SCAF8: variants seen among roughly 807,000 people sequenced by gnomAD.
SCAF8 encodes the protein SR-related and CTD-associated factor 8.
In SCAF8, 23 loss-of-function variants were observed where a neutral mutation model predicts 140.5. The observed-to-expected ratio is 0.16, with a 90% CI of 0.12 to 0.23. SCAF8 has a LOEUF of 0.23. Ranked by LOEUF, SCAF8 falls within the 10% of genes least tolerant of loss-of-function variation. The pLI, the probability that SCAF8 is intolerant of heterozygous loss-of-function variation, is 1.00. For missense variants in SCAF8, 1,397 were observed against 1,555.7 expected (o/e 0.90, Z 1.72); for synonymous variants, 575 against 528.9 (o/e 1.09, Z -1.20).
chr6:154,780,145 CTATA>C lies in SCAF8; in HGVS notation c.159+2101_159+2104del, dbSNP rs1267980223. ...GCCTTGTGTTTCCCTTTTATATACT[CTATA>C]GTCATACTCGACTCACCTCCTCCTC... On this transcript the variant is annotated intron_variant, in intron 3 of 19. Transcript: ENST00000367178. 3.3e-5 allele frequency among the ~76,000 whole-genome samples: 5 copies of C among 152,266 alleles called. No individual in the cohort carries two copies. The East Asian group carries it at 9.6e-4, about 29-fold the overall frequency.
At chr6:154,766,246 T>C (rs1227518463) in intron 1 of SCAF8, among the ~76,000 whole-genome samples, 5 of 151,868 alleles carry the variant, frequency 3.3e-5, no homozygotes, top group Non-Finnish European at 7.4e-5. Context: ...GCAAAAGATG[T>C]GGAGGAGAGG....
intron 7 of SCAF8, among the ~76,000 whole-genome samples, chr6:154,802,629 A>AT (rs60323193): frequency 5.3e-4 from 80 of 149,806 alleles, no homozygotes; most frequent in African/African-American, 1.8e-3. Context: ...AAAAAAAAAA[A>AT]TTTTTTTTGA....
rs1463601090 is a variant in SCAF8, at chr6:154,733,756, A to G, written c.-145A>G. The G allele has an allele frequency of 7.4e-7, 1 of 1,348,270 alleles. No individual in the cohort carries two copies. Among genetic ancestry groups the G allele is most frequent in the East Asian group, 3.1e-5 (1 of 32,042 alleles). 83.5% of individuals were successfully genotyped at this position (1,348,270 alleles called of 1,614,324 possible). A position where few individuals can be genotyped will look rare whatever the true frequency, so the allele number is the denominator to read the frequency against. ...CTTCCCCGCCAGCGCGTGCCCTTCC[A>G]CTCCGCCCCGAGGTCGCAGCGGCCC... On this transcript the variant is annotated 5_prime_UTR_variant, in exon 1 of 20. Transcript: ENST00000367178.
chr6:154,771,811 C>T lies in SCAF8; in HGVS notation c.31-2178C>T, dbSNP rs560676594. On this transcript the variant is annotated intron_variant, in intron 1 of 19. Coordinates refer to ENST00000367178, the MANE Select transcript of SCAF8 (RefSeq NM_014892.5). ...CCTGTGTGATGGGAATTTTTTGTAC[C>T]GCAAACCTCAGCATCACAAAATACA... is the stretch of plus-strand genomic sequence containing the variant. 1.1e-4 allele frequency among the ~76,000 whole-genome samples: 16 copies of T among 152,088 alleles called. No homozygotes were observed. The South Asian group carries it at 2.1e-3, about 20-fold the overall frequency.
intron 18 of SCAF8, 118 bp downstream of exon 18, chr6:154,827,358 C>G (rs1202585251): frequency 5.9e-6 from 4 of 674,482 alleles, no homozygotes; most frequent in Non-Finnish European, 7.4e-6. Flanking sequence ...AAGACAAATG[C>G]ATGTTAGATA....
At chr6:154,777,517 G>C (rs190072202) in intron 2 of SCAF8, among the ~76,000 whole-genome samples, 35 of 152,286 alleles carry the variant, frequency 2.3e-4, no homozygotes, top group Admixed American at 5.9e-4. Flanking sequence ...AGGAGAAGCA[G>C]AAGGAGATAA....
chr6:154,745,538 T>A (rs766866559), intron 1 of SCAF8, among the ~76,000 whole-genome samples: 1 of 152,126 alleles, frequency 6.6e-6, no homozygotes, highest in Non-Finnish European at 1.5e-5. Context: ...CATGCCTGCC[T>A]GATTTTTTAG....
Position 154,774,337 on chromosome 6 carries a change from C to T in SCAF8, c.114+265C>T, listed in dbSNP as rs950024742. 3.3e-5 allele frequency among the ~76,000 whole-genome samples: 5 copies of T among 152,194 alleles called. No individual in the cohort carries two copies. The East Asian group carries it at 7.7e-4, about 23-fold the overall frequency. On this transcript the variant is annotated intron_variant, in intron 2 of 19. Transcript: ENST00000367178. The stretch of plus-strand genomic sequence containing the variant: ...ACTGCAGTGCCACGATCATAGCTCA[C>T]TGTGGCCTCGACCTCCTGGGCTCAA...
At chr6:154,763,752 A>G (rs567821194) in intron 1 of SCAF8, among the ~76,000 whole-genome samples, 2 of 152,260 alleles carry the variant, frequency 1.3e-5, no homozygotes, top group East Asian at 3.9e-4. Context: ...CAAAAAAGAA[A>G]AAAAAAACCC....
At chr6:154,804,974 T>C (rs868797136) in intron 8 of SCAF8, among the ~76,000 whole-genome samples, 2 of 152,200 alleles carry the variant, frequency 1.3e-5, no homozygotes, top group Admixed American at 6.5e-5. Context: ...ACATACTGAT[T>C]GATAGACTGT....
chr6:154,768,967 G>A (rs1297473915), intron 1 of SCAF8, among the ~76,000 whole-genome samples: 1 of 151,076 alleles, frequency 6.6e-6, no homozygotes, highest in Admixed American at 6.6e-5. Flanking sequence ...GGAGGCTGAG[G>A]CACAAGCATC....
At chr6:154,739,682 T>C (rs1778518684) in intron 1 of SCAF8, among the ~76,000 whole-genome samples, 1 of 152,242 alleles carries the variant, frequency 6.6e-6, no homozygotes, top group Non-Finnish European at 1.5e-5. Flanking sequence ...TAGATTAATC[T>C]TTAAACTGTT....
rs908745013 is a variant in SCAF8 at position 154,815,879 on chromosome 6, T to C, written c.1521+63T>C. The C allele has an allele frequency of 1.1e-5, 10 of 901,330 alleles. No individual in the cohort carries two copies. The African/African-American group carries it at 1.7e-4, about 15-fold the overall frequency. The allele number at this position is 901,330 out of a possible 1,614,324, so 55.8% of individuals were successfully genotyped here. A position where few individuals can be genotyped will look rare whatever the true frequency, so the allele number is the denominator to read the frequency against. On this transcript the variant is annotated intron_variant, in intron 13 of 19. Coordinates refer to ENST00000367178, the MANE Select transcript of SCAF8 (RefSeq NM_014892.5). ...AGGAGGTTTTTATTAATACAAAGAA[T>C]CACTTCTGTTCCTAATTAGCCCAGT...
chr6:154,792,713 A>G (rs1777459113), intron 4 of SCAF8, 110 bp from the exon 5 acceptor site: 2 of 670,206 alleles, frequency 3.0e-6, no homozygotes, highest in African/African-American at 1.9e-5. Flanking sequence ...AGTACCATTG[A>G]AGTATTTTAA....
intron 4 of SCAF8, 93 bp downstream of exon 4, chr6:154,788,115 T>C: frequency 9.5e-7 from 1 of 1,056,336 alleles, no homozygotes; most frequent in Non-Finnish European, 1.4e-6. Flanking sequence ...AGTACAGTCA[T>C]GTGCCACATA....
intron 1 of SCAF8, among the ~76,000 whole-genome samples, chr6:154,756,717 A>G (rs1778974450): frequency 6.6e-6 from 1 of 152,206 alleles, no homozygotes; most frequent in South Asian, 2.1e-4. Flanking sequence ...AGAGTGAAAC[A>G]TTCTGTTGCA....
At chr6:154,790,836 C>CT (rs1777400273) in intron 4 of SCAF8, among the ~76,000 whole-genome samples, 1 of 151,932 alleles carries the variant, frequency 6.6e-6, no homozygotes. Flanking sequence ...ATTTTAGCCT[C>CT]TGTCTTTTTT....
At chr6:154,765,991 A>G (rs190068479) in intron 1 of SCAF8, among the ~76,000 whole-genome samples, 290 of 152,310 alleles carry the variant, frequency 1.9e-3, no homozygotes, top group African/African-American at 5.4e-3. Context: ...GTTGACCAGT[A>G]ACCTTACCAA....
At chr6:154,762,333 C>G (rs936654484) in intron 1 of SCAF8, among the ~76,000 whole-genome samples, 2 of 152,202 alleles carry the variant, frequency 1.3e-5, no homozygotes, top group African/African-American at 4.8e-5. Flanking sequence ...CAAATTCATT[C>G]AGGCTGTTGG....
Sources: gnomAD v4.1 joint callset for allele counts (sites outside exome capture counted in the v4.1 genomes callset) on GRCh38, gnomAD v4.1.1 for gene constraint, MANE v1.5 for transcripts, NCBI Gene and HGNC (gene_info 2026-07-23, HGNC 2026-07-21) for gene names.